ELAC2: variants seen among roughly 807,000 people sequenced by gnomAD.
ELAC2 encodes the protein elaC ribonuclease Z 2.
In ELAC2, 92 loss-of-function variants were observed where a neutral mutation model predicts 105.2. The ratio of observed to expected loss-of-function variants is 0.87; its 90% confidence interval spans 0.74 to 1.04. The LOEUF is 1.04. Ranked by LOEUF, ELAC2 falls within the 50% of genes least tolerant of loss-of-function variation. The pLI is 0.00. For synonymous variants in ELAC2, 468 were observed against 409.1 expected (o/e 1.14, Z -1.74); for missense variants, 1,099 against 1,071.7 (o/e 1.03, Z -0.36).
At chr17:13,013,671 T>C (rs1377121144) in intron 5 of ELAC2, among the ~76,000 whole-genome samples, 1 of 152,142 alleles carries the variant, frequency 6.6e-6, no homozygotes, top group African/African-American at 2.4e-5. Flanking sequence ...AGAGGAGTAT[T>C]AACAAGCCAC....
intron 23 of ELAC2, 124 bp downstream of exon 23, chr17:12,993,563 G>C (rs1456160234): frequency 6.9e-7 from 1 of 1,452,608 alleles, no homozygotes; most frequent in Non-Finnish European, 9.4e-7. Context: ...GTGATGGGTA[G>C]ATAACCTTTT....
Position 13,005,827 on chromosome 17 carries a change from T to C in ELAC2, c.798-2A>G. On this transcript the variant is annotated splice_acceptor_variant, in intron 9 of 23. Transcript: ENST00000338034. LOFTEE classifies it high-confidence loss of function. Reference sequence around the variant, plus strand: ...ATGGGAGCGATGGCAGCTGTCCCACTGAAATGAAGAGGCAAGGCCTCTGTG... The same window carrying C: ...ATGGGAGCGATGGCAGCTGTCCCACCGAAATGAAGAGGCAAGGCCTCTGTG... The C allele has an allele frequency of 6.2e-7, 1 of 1,614,148 alleles. No homozygotes were observed. The highest frequency in any genetic ancestry group is 8.5e-7 in the Non-Finnish European group (1 of 1,180,040).
intron 16 of ELAC2, among the ~76,000 whole-genome samples, chr17:12,997,828 T>C (rs766731277): frequency 6.6e-6 from 1 of 152,226 alleles, no homozygotes; most frequent in African/African-American, 2.4e-5. Context: ...TCACAACGCA[T>C]TTGACTAATC....
At chr17:13,010,401 C>A (rs1361467995) in intron 8 of ELAC2, among the ~76,000 whole-genome samples, 1 of 152,216 alleles carries the variant, frequency 6.6e-6, no homozygotes, top group Non-Finnish European at 1.5e-5. Flanking sequence ...AAACTCCTGA[C>A]CTCGTGATCC....
intron 11 of ELAC2, chr17:13,003,937 A>C: frequency 3.9e-6 from 1 of 255,752 alleles, no homozygotes; most frequent in Non-Finnish European, 7.8e-6. Context: ...TTCCTCTCTC[A>C]CAGTCAAATT....
intron 8 of ELAC2, chr17:13,006,230 C>T (rs1247395603): frequency 1.1e-5 from 5 of 451,304 alleles, no homozygotes; most frequent in Middle Eastern, 6.5e-4. Flanking sequence ...ATTGGCCAGG[C>T]GTGGTGGCAC....
At chr17:13,006,105 T>C in intron 8 of ELAC2, 126 bp from the exon 9 acceptor site, 1 of 981,798 alleles carries the variant, frequency 1.0e-6, no homozygotes, top group Non-Finnish European at 1.6e-6. Context: ...GCACGGTGGC[T>C]CACGCCTGTA....
intron 15 of ELAC2, 101 bp downstream of exon 15, chr17:13,000,055 C>T: frequency 1.9e-6 from 2 of 1,061,698 alleles, no homozygotes; most frequent in Non-Finnish European, 1.4e-6. Flanking sequence ...ACTGAAAAGC[C>T]AGGTTAGAAT....
In ELAC2 at chr17:12,992,706, C is replaced by G. The variant is rs188218443; in HGVS notation, c.*112G>C. On this transcript the variant is annotated 3_prime_UTR_variant, in exon 24 of 24. Transcript: ENST00000338034. ...ACAGCTCCATACCACCTATCCTGAG[C>G]TGCCTCCTGGGGGACCGTGCTCTTC... 202 of 1,313,822 alleles carry G rather than the reference C, an allele frequency of 1.5e-4. 1 individual carries two copies. The Middle Eastern group carries it at 6.3e-3, about 41-fold the overall frequency. 81.4% of individuals were successfully genotyped at this position (1,313,822 alleles called of 1,614,324 possible).
intron 1 of ELAC2, 117 bp downstream of exon 1, chr17:13,017,586 G>GC: frequency 6.5e-7 from 1 of 1,542,546 alleles, no homozygotes; most frequent in Non-Finnish European, 8.8e-7. Flanking sequence ...ACGAACCCCC[G>GC]CAACAGTGAA....
chr17:13,015,358 A>G (rs1381942306), intron 4 of ELAC2, among the ~76,000 whole-genome samples: 1 of 152,226 alleles, frequency 6.6e-6, no homozygotes, highest in African/African-American at 2.4e-5. Flanking sequence ...CAACACACAC[A>G]CGCCTTCTCA....
chr17:13,016,461 C>T (rs573052712), intron 3 of ELAC2, among the ~76,000 whole-genome samples: 1 of 152,222 alleles, frequency 6.6e-6, no homozygotes, highest in African/African-American at 2.4e-5. Context: ...GCTTTTAATG[C>T]TCTGTGCTGC....
At chr17:13,013,753 T>G (rs1247318989) in intron 5 of ELAC2, among the ~76,000 whole-genome samples, 1 of 152,218 alleles carries the variant, frequency 6.6e-6, no homozygotes, top group Non-Finnish European at 1.5e-5. Context: ...CAAGAGGCTG[T>G]AAGCCCCCCT....
At chr17:13,007,810 G>A (rs1418510147) in intron 8 of ELAC2, among the ~76,000 whole-genome samples, 2 of 152,130 alleles carry the variant, frequency 1.3e-5, no homozygotes, top group Non-Finnish European at 2.9e-5. Flanking sequence ...CCTGGGAGGA[G>A]GAGGTTGCAG....
chr17:12,992,664 G>T lies in ELAC2; in HGVS notation c.*154C>A, dbSNP rs2040241999. Reference sequence around the variant, plus strand: ...GCATCTATAGACTAGTGCTTATGTGGGAGCCCAAGCCTCGGCACAGCTCCA... The same window carrying T: ...GCATCTATAGACTAGTGCTTATGTGTGAGCCCAAGCCTCGGCACAGCTCCA... On this transcript the variant is annotated 3_prime_UTR_variant, in exon 24 of 24. Coordinates refer to ENST00000338034, the MANE Select transcript of ELAC2 (RefSeq NM_018127.7). 8.2e-6 allele frequency: 7 copies of T among 849,598 alleles called. No homozygotes were observed. Among genetic ancestry groups the T allele is most frequent in the Non-Finnish European group, 9.2e-6 (5 of 541,344 alleles). 52.6% of individuals were successfully genotyped at this position (849,598 alleles called of 1,614,324 possible). A position where few individuals can be genotyped will look rare whatever the true frequency, so the allele number is the denominator to read the frequency against.
intron 12 of ELAC2, chr17:13,002,842 T>C (rs761041100): frequency 3.9e-6 from 2 of 517,478 alleles, no homozygotes; most frequent in Middle Eastern, 5.4e-4. Context: ...GGCATACAAA[T>C]AGGGGACCCA....
rs747959167 is a variant in ELAC2 at position 13,013,220 on chromosome 17, C to G, written c.546G>C (p.Gln182His). The G allele has an allele frequency of 9.3e-6, 15 of 1,614,088 alleles. No individual in the cohort carries two copies. The highest frequency in any genetic ancestry group is 1.3e-5 in the Non-Finnish European group (15 of 1,180,046). Residue 182 changes from glutamine to histidine, a missense_variant, in exon 6 of 24, where the codon CAG becomes CAC. Physicochemically the swap from Gln to His is conservative, Grantham distance 24 (BLOSUM62 0). Transcript: ENST00000338034. ...EYEDETMTVY[Q>H]IPIHSEQRRG... ...TTTCATACTCACTGTGTATGGGGATCTGGTAAACTGTCATGGTTTCATCCT... is the reference window on the plus strand; with the variant it reads ...TTTCATACTCACTGTGTATGGGGATGTGGTAAACTGTCATGGTTTCATCCT...
intron 22 of ELAC2, 124 bp from the exon 23 acceptor site, chr17:12,993,955 G>T: frequency 7.3e-7 from 1 of 1,361,318 alleles, no homozygotes; most frequent in East Asian, 2.4e-5. Flanking sequence ...TTTTCTTAAC[G>T]GGCACCTCCG....
At chr17:12,996,185 G>A in intron 17 of ELAC2, 2 of 686,002 alleles carry the variant, frequency 2.9e-6, no homozygotes, top group Non-Finnish European at 5.0e-6. Flanking sequence ...ACCCGTGCTG[G>A]GAAGAGGGCA....
Sources: gnomAD v4.1 joint callset for allele counts (sites outside exome capture counted in the v4.1 genomes callset) on GRCh38, gnomAD v4.1.1 for gene constraint, MANE v1.5 for transcripts, NCBI Gene and HGNC (gene_info 2026-07-23, HGNC 2026-07-21) for gene names.